The following PDGFC variants were observed in gnomAD, a reference collection of about 807,000 sequenced individuals.
PDGFC encodes platelet derived growth factor C, also known as platelet-derived growth factor C.
Under a neutral mutation model 35.5 loss-of-function variants are expected in PDGFC, and 12 were observed. That is an observed-to-expected ratio of 0.34 (90% CI 0.22 to 0.55). PDGFC has a LOEUF of 0.55. Among genes scored for constraint, PDGFC ranks in the 20% least tolerant of loss-of-function variants. The pLI is 0.91. For synonymous variants in PDGFC, 159 were observed against 148.8 expected (o/e 1.07, Z -0.50); for missense variants, 322 against 412.4 (o/e 0.78, Z 1.90).
intron 3 of PDGFC, among the ~76,000 whole-genome samples, chr4:156,773,315 A>G (rs1730737600): frequency 6.6e-6 from 1 of 152,324 alleles, no homozygotes; most frequent in Admixed American, 6.5e-5. Context: ...GGAATAAGAA[A>G]TAATTAACCC....
At position 156,943,031 on chromosome 4, in the gene PDGFC, T is replaced by A. The variant is rs144924565; in HGVS notation, c.118+27755A>T. On this transcript the variant is annotated intron_variant, in intron 1 of 5. Coordinates refer to ENST00000502773, the MANE Select transcript of PDGFC (RefSeq NM_016205.3). ...TCTGATTATCTTTTCAGTGAGTGAA[T>A]TCCCTCGAAAAAATCTGTGCTTGGT... Among the ~76,000 whole-genome samples, 484 of 152,154 alleles carry A rather than the reference T, an allele frequency of 3.2e-3. 13 individuals carry two copies. The highest frequency in any genetic ancestry group is 0.025 in the Admixed American group (383 of 15,270).
chr4:156,894,842 T>A (rs2111203503), intron 1 of PDGFC, among the ~76,000 whole-genome samples: 1 of 152,338 alleles, frequency 6.6e-6, no homozygotes, highest in Non-Finnish European at 1.5e-5. Flanking sequence ...TTAGGTTCCA[T>A]CAATTTTTTG....
chr4:156,778,486 T>C (rs1579002633), intron 3 of PDGFC, among the ~76,000 whole-genome samples: 1 of 152,324 alleles, frequency 6.6e-6, no homozygotes, highest in Admixed American at 6.5e-5. Flanking sequence ...AGTTTTCTTA[T>C]TGACTTTTCC....
At chr4:156,902,512 A>T (rs1197303490) in intron 1 of PDGFC, among the ~76,000 whole-genome samples, 2 of 152,154 alleles carry the variant, frequency 1.3e-5, no homozygotes, top group Non-Finnish European at 2.9e-5. Flanking sequence ...AATATACCTT[A>T]TTGCTTTCCA....
intron 3 of PDGFC, among the ~76,000 whole-genome samples, chr4:156,787,108 A>G (rs1446761236): frequency 6.6e-6 from 1 of 152,202 alleles, no homozygotes; most frequent in African/African-American, 2.4e-5. Context: ...TTGTCAAATG[A>G]ATGTTATTAG....
chr4:156,770,653 C>T (rs1344719980), intron 4 of PDGFC: 2 of 151,982 alleles, frequency 1.3e-5, no homozygotes, highest in Admixed American at 1.3e-4. Context: ...CCTAAGAAAA[C>T]AAATACAGGT....
intron 1 of PDGFC, among the ~76,000 whole-genome samples, chr4:156,866,591 T>C (rs1729848857): frequency 6.6e-6 from 1 of 152,146 alleles, no homozygotes; most frequent in African/African-American, 2.4e-5. Flanking sequence ...GCCAATTTCA[T>C]GCATACACTA....
chr4:156,913,165 A>T (rs2110812385), intron 1 of PDGFC, among the ~76,000 whole-genome samples: 1 of 152,260 alleles, frequency 6.6e-6, no homozygotes, highest in South Asian at 2.1e-4. Flanking sequence ...ACTAATACAT[A>T]AAAAAACTCT....
chr4:156,771,263 A>T (rs1730685173), intron 4 of PDGFC, among the ~76,000 whole-genome samples: 1 of 152,158 alleles, frequency 6.6e-6, no homozygotes, highest in Non-Finnish European at 1.5e-5. Context: ...TTTAGGCTCA[A>T]ATCCAGAAAT....
intron 2 of PDGFC, among the ~76,000 whole-genome samples, chr4:156,843,525 C>T (rs765897334): frequency 3.9e-5 from 6 of 152,136 alleles, no homozygotes; most frequent in Non-Finnish European, 8.8e-5. Context: ...GGTAGGCATA[C>T]CACAGAAAGG....
intron 1 of PDGFC, among the ~76,000 whole-genome samples, chr4:156,872,631 AT>A (rs1730012372): frequency 6.6e-6 from 1 of 152,172 alleles, no homozygotes; most frequent in African/African-American, 2.4e-5. Flanking sequence ...CTTTAACTAG[AT>A]TAGAAATTAC....
At chr4:156,961,262 A>C (rs1346458626) in intron 1 of PDGFC, among the ~76,000 whole-genome samples, 2 of 152,144 alleles carry the variant, frequency 1.3e-5, no homozygotes, top group African/African-American at 4.8e-5. Context: ...TGACTACTTA[A>C]AAGACAGATG....
At chr4:156,898,721 C>A (rs1200371914) in intron 1 of PDGFC, among the ~76,000 whole-genome samples, 1 of 152,102 alleles carries the variant, frequency 6.6e-6, no homozygotes, top group Non-Finnish European at 1.5e-5. Flanking sequence ...TGCACTGGCA[C>A]AAACACAGGC....
At chr4:156,902,202 T>G (rs993345867) in intron 1 of PDGFC, among the ~76,000 whole-genome samples, 4 of 152,244 alleles carry the variant, frequency 2.6e-5, no homozygotes, top group African/African-American at 4.8e-5. Flanking sequence ...TCTACATATC[T>G]TGTTATAAAA....
At chr4:156,834,630 T>A (rs991921262) in intron 2 of PDGFC, among the ~76,000 whole-genome samples, 3 of 152,114 alleles carry the variant, frequency 2.0e-5, no homozygotes, top group African/African-American at 7.2e-5. Flanking sequence ...GGGGGTTAAA[T>A]CAGCTGCCAT....
At chr4:156,890,739 T>TA (rs1560859425) in intron 1 of PDGFC, among the ~76,000 whole-genome samples, 6 of 152,208 alleles carry the variant, frequency 3.9e-5, no homozygotes, top group East Asian at 3.8e-4. Context: ...AATGCTAATA[T>TA]AAAAAATCCC....
intron 1 of PDGFC, among the ~76,000 whole-genome samples, chr4:156,932,907 AAG>A (rs958108633): frequency 3.3e-5 from 5 of 152,102 alleles, no homozygotes; most frequent in Non-Finnish European, 7.4e-5. Flanking sequence ...TAAAAAAAAA[AAG>A]AAGTTTCTAA....
chr4:156,811,746 G>A (rs1731936831), intron 2 of PDGFC, among the ~76,000 whole-genome samples: 1 of 152,024 alleles, frequency 6.6e-6, no homozygotes, highest in Admixed American at 6.6e-5. Context: ...TCAACTTTTG[G>A]TTTGGAAGGT....
intron 1 of PDGFC, among the ~76,000 whole-genome samples, chr4:156,960,275 A>T (rs1000429427): frequency 1.5e-4 from 21 of 137,398 alleles, no homozygotes; most frequent in African/African-American, 4.8e-4. Flanking sequence ...TATATATATA[A>T]AACTATAAAT....
Sources: allele counts gnomAD v4.1 joint callset (sites outside exome capture counted in the v4.1 genomes callset), GRCh38; gene constraint gnomAD v4.1.1; transcripts MANE v1.5; gene names NCBI Gene and HGNC (gene_info 2026-07-23, HGNC 2026-07-21).